Variants in NKAIN3 observed in about 807,000 individuals in gnomAD.
The protein encoded by NKAIN3 is sodium/potassium transporting ATPase interacting 3.
In NKAIN3, 25 loss-of-function variants were observed where a neutral mutation model predicts 30.2. The ratio of observed to expected loss-of-function variants is 0.83; its 90% CI spans 0.60 to 1.16. The LOEUF is 1.16. Among genes scored for constraint, NKAIN3 ranks in the 50% most tolerant of loss-of-function variants. The pLI, the probability that NKAIN3 is intolerant of heterozygous loss-of-function variation, is 0.00. For synonymous variants in NKAIN3, 91 were observed against 89.6 expected, an observed-to-expected ratio of 1.02 and a Z score of -0.09; for missense variants, 225 against 254.1, an observed-to-expected ratio of 0.89 and a Z score of 0.78.
chr8:62,547,671 A>G (rs1370723725), intron 1 of NKAIN3, among the ~76,000 whole-genome samples: 2 of 152,190 alleles, frequency 1.3e-5, no homozygotes, highest in South Asian at 2.1e-4. Flanking sequence ...TGGTCTTAAC[A>G]TGATAGATTT....
intron 4 of NKAIN3, among the ~76,000 whole-genome samples, chr8:62,803,872 C>A (rs1248405247): frequency 1.3e-5 from 2 of 151,808 alleles, no homozygotes; most frequent in Non-Finnish European, 2.9e-5. Flanking sequence ...GCTAGCAAGA[C>A]TAATAAAGAA....
chr8:62,652,283 A>C (rs1215010603), intron 3 of NKAIN3, among the ~76,000 whole-genome samples: 2 of 152,176 alleles, frequency 1.3e-5, no homozygotes, highest in East Asian at 3.9e-4. Flanking sequence ...GTCATTCAAC[A>C]CTTTATGTGA....
At position 62,344,676 on chromosome 8, in the gene NKAIN3, T is replaced by C. The variant is rs933092630; in HGVS notation, c.54+95549T>C. On this transcript the variant is annotated intron_variant, in intron 1 of 6. Transcript: ENST00000623646. ...CTGTGATTTAGCAAGTACTTTATACTTCTAATTGCTATGTTTTTTATCCTG... is the reference window on the plus strand; with the variant it reads ...CTGTGATTTAGCAAGTACTTTATACCTCTAATTGCTATGTTTTTTATCCTG... Among the ~76,000 whole-genome samples the C allele has an allele frequency of 2.0e-4, 30 of 152,102 alleles. 1 individual carries two copies.
chr8:62,794,935 A>G lies in NKAIN3; in HGVS notation c.471+47806A>G, dbSNP rs150711251. 4.6e-4 allele frequency among the ~76,000 whole-genome samples: 70 copies of G among 152,090 alleles called. No homozygotes were observed. The East Asian group carries it at 0.012, about 27-fold the overall frequency. ...TGTTCATGCCAATATTTATCCATCCATCCATCCATCTATGATCTTTCCATC... is the reference window on the plus strand; with the variant it reads ...TGTTCATGCCAATATTTATCCATCCGTCCATCCATCTATGATCTTTCCATC... On this transcript the variant is annotated intron_variant, in intron 4 of 6. Coordinates refer to ENST00000623646, the MANE Select transcript of NKAIN3 (RefSeq NM_001304533.3).
intron 3 of NKAIN3, among the ~76,000 whole-genome samples, chr8:62,720,861 T>C (rs1279438474): frequency 6.6e-6 from 1 of 152,230 alleles, no homozygotes; most frequent in Non-Finnish European, 1.5e-5. Flanking sequence ...GTGGCTGATA[T>C]GTTTTCAGCA....
chr8:62,293,733 G>A (rs149241109), intron 1 of NKAIN3, among the ~76,000 whole-genome samples: 5,384 of 152,274 alleles, frequency 0.035, 135 homozygotes, highest in Middle Eastern at 0.075. Context: ...CTCAAACTCC[G>A]TGCTTGGAGA....
At chr8:62,536,563 A>G (rs1808669657) in intron 1 of NKAIN3, among the ~76,000 whole-genome samples, 1 of 152,032 alleles carries the variant, frequency 6.6e-6, no homozygotes, top group South Asian at 2.1e-4. Flanking sequence ...TGAATGTTCC[A>G]AGTGGTGGCT....
chr8:62,266,638 C>T lies in NKAIN3; in HGVS notation c.54+17511C>T, dbSNP rs573753286. 2.3e-3 allele frequency among the ~76,000 whole-genome samples: 348 copies of T among 152,108 alleles called. 3 individuals are homozygous for T. The highest frequency in any genetic ancestry group is 2.7e-3 in the Non-Finnish European group (185 of 67,994). ...AGGAGGCGGGACTCGACTCTGGAGG[C>T]GGGGCTCAGACACCAGACAAGGTTG... On this transcript the variant is annotated intron_variant, in intron 1 of 6. Transcript: ENST00000623646.
At chr8:62,958,125 G>T (rs1305902940) in intron 6 of NKAIN3, among the ~76,000 whole-genome samples, 1 of 152,134 alleles carries the variant, frequency 6.6e-6, no homozygotes, top group African/African-American at 2.4e-5. Context: ...AGAAGACAAA[G>T]TTGAAGCTCA....
At chr8:62,815,408 A>G (rs1264081753) in intron 4 of NKAIN3, among the ~76,000 whole-genome samples, 1 of 152,164 alleles carries the variant, frequency 6.6e-6, no homozygotes, top group Non-Finnish European at 1.5e-5. Context: ...CCTGGCAGAG[A>G]CACAACCAAA....
At chr8:62,416,419 G>T (rs999229180) in intron 1 of NKAIN3, among the ~76,000 whole-genome samples, 1 of 152,080 alleles carries the variant, frequency 6.6e-6, no homozygotes, top group Non-Finnish European at 1.5e-5. Context: ...GTCTCCTAAT[G>T]TGTCTCCTTT....
At chr8:62,412,918 A>C (rs1434389567) in intron 1 of NKAIN3, among the ~76,000 whole-genome samples, 51 of 82,524 alleles carry the variant, frequency 6.2e-4, no homozygotes, top group African/African-American at 2.3e-3. Flanking sequence ...TCAAAAAAAA[A>C]AAACAAAAAA....
intron 4 of NKAIN3, among the ~76,000 whole-genome samples, chr8:62,849,900 T>C (rs973602457): frequency 2.6e-5 from 4 of 152,120 alleles, no homozygotes; most frequent in African/African-American, 9.7e-5. Context: ...TTGTGAATAG[T>C]GCTGCAGTAA....
At chr8:62,685,147 A>G (rs533476522) in intron 3 of NKAIN3, among the ~76,000 whole-genome samples, 18 of 152,318 alleles carry the variant, frequency 1.2e-4, no homozygotes, top group African/African-American at 4.1e-4. Context: ...GCTTAGGTTA[A>G]CATTGGCGAG....
chr8:62,575,859 T>G (rs1000129035), intron 1 of NKAIN3, among the ~76,000 whole-genome samples: 1 of 152,000 alleles, frequency 6.6e-6, no homozygotes, highest in Non-Finnish European at 1.5e-5. Flanking sequence ...AAACCATAAA[T>G]TGGGGAAAGG....
intron 3 of NKAIN3, among the ~76,000 whole-genome samples, chr8:62,716,371 G>C (rs1464825245): frequency 1.3e-5 from 2 of 152,150 alleles, no homozygotes; most frequent in East Asian, 3.9e-4. Flanking sequence ...AGCAGTGAAG[G>C]ATAGGGGTTA....
In NKAIN3 at chr8:62,978,918, C is replaced by T. The variant is rs1199837401; in HGVS notation, c.*13511C>T. 1.3e-5 allele frequency: 2 copies of T among 153,508 alleles called. No homozygotes were observed. The highest frequency in any genetic ancestry group is 2.4e-5 in the African/African-American group (1 of 41,454). 9.5% of individuals were successfully genotyped at this position (153,508 alleles called of 1,614,324 possible). A position where few individuals can be genotyped will look rare whatever the true frequency, so the allele number is the denominator to read the frequency against. On this transcript the variant is annotated 3_prime_UTR_variant, in exon 7 of 7. Transcript: ENST00000623646. ...AAAGCGTAGTATCTGGACCGGAGTG[C>T]ACCCCCACTCACGGCATGGTCCCTC...
At chr8:62,599,577 A>G (rs1406565754) in intron 3 of NKAIN3, among the ~76,000 whole-genome samples, 8 of 152,060 alleles carry the variant, frequency 5.3e-5, no homozygotes, top group African/African-American at 7.2e-5. Flanking sequence ...ATTAACAGAC[A>G]TCACAATCCT....
intron 1 of NKAIN3, among the ~76,000 whole-genome samples, chr8:62,268,054 A>G (rs1278543174): frequency 6.6e-6 from 1 of 152,228 alleles, no homozygotes; most frequent in East Asian, 1.9e-4. Flanking sequence ...ATTTATTAAT[A>G]ACAAATCTCA....
Sources: gnomAD v4.1 joint callset for allele counts (sites outside exome capture counted in the v4.1 genomes callset) on GRCh38, gnomAD v4.1.1 for gene constraint, MANE v1.5 for transcripts, NCBI Gene and HGNC (gene_info 2026-07-23, HGNC 2026-07-21) for gene names.